FRRS1: variants seen among roughly 807,000 people sequenced by gnomAD.
The protein encoded by FRRS1 is ferric chelate reductase 1.
A neutral mutation model predicts 70.7 loss-of-function variants in FRRS1; 51 were observed. That is an observed-to-expected ratio of 0.72 (90% CI 0.58 to 0.91). FRRS1 has a LOEUF of 0.91. FRRS1 is among the 40% of genes least tolerant of loss of function. The probability of loss-of-function intolerance (pLI) is 0.00; values close to 1 mark genes in which losing one functional copy is unlikely to be tolerated. For missense variants in FRRS1, 672 were observed against 726.0 expected (o/e 0.93, Z 0.86); for synonymous variants, 225 against 238.7 (o/e 0.94, Z 0.53).
chr1:99,729,724 T>C lies in FRRS1; in HGVS notation c.784A>G (p.Ile262Val), dbSNP rs1655252685. ...ATGTACACAGTCTGATCTTCATGAA[T>C]ACACAGATAAGCATCATCATCACCC... ...WMGDDDAYLC[I>V]HEDQTVYIQP... Residue 262 changes from isoleucine to valine, a missense_variant, in exon 8 of 17, where the codon ATT (isoleucine) becomes GTT (valine). By Grantham distance (29) the Ile-to-Val change is conservative. Coordinates refer to ENST00000646001, the MANE Select transcript of FRRS1 (RefSeq NM_001361041.2). 1.9e-6 allele frequency: 3 copies of C among 1,612,772 alleles called. 1 individual carries two copies. The South Asian group carries it at 3.3e-5, about 18-fold the overall frequency.
chr1:99,745,237 G>A lies in FRRS1; in HGVS notation c.333+2057C>T, dbSNP rs185034055. On this transcript the variant is annotated intron_variant, in intron 4 of 16. Coordinates refer to ENST00000646001, the MANE Select transcript of FRRS1 (RefSeq NM_001361041.2). Reference sequence around the variant, plus strand: ...ATAAAGCTGCTGGCTGCTAATCCCCGAGCCTTGAAGGGAGAAGATAAACAT... The same window carrying A: ...ATAAAGCTGCTGGCTGCTAATCCCCAAGCCTTGAAGGGAGAAGATAAACAT... Among the ~76,000 whole-genome samples, 4 of 152,248 alleles carry A rather than the reference G, an allele frequency of 2.6e-5. No individual in the cohort carries two copies. The East Asian group carries it at 5.8e-4, about 22-fold the overall frequency.
intron 5 of FRRS1, among the ~76,000 whole-genome samples, chr1:99,741,553 T>C (rs1655962333): frequency 6.6e-6 from 1 of 152,178 alleles, no homozygotes; most frequent in Admixed American, 6.5e-5. Context: ...CATTTCCCCT[T>C]GTATGTAGGA....
At chr1:99,747,785 G>A (rs969258455) in intron 3 of FRRS1, 6 of 161,506 alleles carry the variant, frequency 3.7e-5, no homozygotes, top group African/African-American at 4.8e-5. Context: ...CCAAACCCTC[G>A]TGACATGGAA....
intron 12 of FRRS1, 116 bp from the exon 13 acceptor site, chr1:99,712,631 C>A (rs1216528275): frequency 2.5e-5 from 14 of 562,688 alleles, no homozygotes; most frequent in Non-Finnish European, 4.1e-5. Flanking sequence ...TTTAAAGATT[C>A]AATAATGATG....
chr1:99,729,755 A>C lies in FRRS1; in HGVS notation c.760-7T>G. On this transcript the variant is annotated splice_polypyrimidine_tract_variant and splice_region_variant and intron_variant, in intron 7 of 16. Coordinates refer to ENST00000646001, the MANE Select transcript of FRRS1 (RefSeq NM_001361041.2). ...GATAAGCATCATCATCACCCTGAAA[A>C]ACAATTGCAAATGAGAAAAAAAGCT... 6.4e-7 allele frequency: 1 copy of C among 1,572,010 alleles called. No homozygotes were observed. Among genetic ancestry groups the C allele is most frequent in the East Asian group, 2.2e-5 (1 of 44,658 alleles).
At chr1:99,750,113 T>A (rs1416232) in intron 1 of FRRS1, among the ~76,000 whole-genome samples, 2 of 151,988 alleles carry the variant, frequency 1.3e-5, no homozygotes, top group Non-Finnish European at 2.9e-5. Context: ...ACCTGGAGGA[T>A]GGGAAATACC....
intron 1 of FRRS1, among the ~76,000 whole-genome samples, chr1:99,766,151 AGGGTAAG>A (rs941849305): frequency 6.6e-6 from 1 of 152,026 alleles, no homozygotes; most frequent in African/African-American, 2.4e-5. Flanking sequence ...AGGGAGTGGG[AGGGTAAG>A]GGGACTAAAA....
In FRRS1 at chr1:99,740,779, A is replaced by T; in HGVS notation, c.576+14T>A. On this transcript the variant is annotated intron_variant, in intron 6 of 16. Coordinates refer to ENST00000646001, the MANE Select transcript of FRRS1 (RefSeq NM_001361041.2). ...AAACCCCATCTCTACAGAGAAAATA[A>T]AATTGTTACTTACTGGTTTGGTTAA... is the stretch of plus-strand genomic sequence containing the variant. 1 of 1,586,584 alleles carries T rather than the reference A, an allele frequency of 6.3e-7. No homozygotes were observed. Among genetic ancestry groups the T allele is most frequent in the Non-Finnish European group, 8.7e-7 (1 of 1,155,056 alleles).
chr1:99,725,186 G>A (rs993542168), intron 9 of FRRS1, among the ~76,000 whole-genome samples: 4 of 152,166 alleles, frequency 2.6e-5, no homozygotes, highest in Non-Finnish European at 5.9e-5. Flanking sequence ...TGATCTGACA[G>A]GACAGTAATG....
chr1:99,749,245 C>T (rs1656453184), intron 1 of FRRS1, among the ~76,000 whole-genome samples: 1 of 152,092 alleles, frequency 6.6e-6, no homozygotes, highest in Admixed American at 6.5e-5. Flanking sequence ...AGGCTGGTCT[C>T]GAACTCCTGA....
chr1:99,759,957 A>C (rs1657036092), intron 1 of FRRS1, among the ~76,000 whole-genome samples: 1 of 152,256 alleles, frequency 6.6e-6, no homozygotes, highest in African/African-American at 2.4e-5. Flanking sequence ...GGTGAAAAGT[A>C]AACAGGTCCA....
chr1:99,745,307 A>G (rs1656195683), intron 4 of FRRS1, among the ~76,000 whole-genome samples: 2 of 152,208 alleles, frequency 1.3e-5, no homozygotes, highest in African/African-American at 4.8e-5. Context: ...GTCCTGGACA[A>G]TAAGAAATCT....
At position 99,705,744 on chromosome 1, in the gene FRRS1, C is replaced by G. The variant is rs762307766; in HGVS notation, c.*3284G>C. Among the ~76,000 whole-genome samples the G allele has an allele frequency of 1.3e-5, 2 of 152,128 alleles. No homozygotes were observed. Among genetic ancestry groups the G allele is most frequent in the African/African-American group, 4.8e-5 (2 of 41,410 alleles). Reference sequence around the variant, plus strand: ...GCCCTTAAGATTGATTTCTGCAGACCAGAGAATTTTTTTATTGCCTCAGCT... The same window carrying G: ...GCCCTTAAGATTGATTTCTGCAGACGAGAGAATTTTTTTATTGCCTCAGCT... On this transcript the variant is annotated 3_prime_UTR_variant, in exon 17 of 17. Coordinates refer to ENST00000646001, the MANE Select transcript of FRRS1 (RefSeq NM_001361041.2).
chr1:99,744,967 C>A (rs1656173832), intron 4 of FRRS1, among the ~76,000 whole-genome samples: 2 of 35,284 alleles, frequency 5.7e-5, no homozygotes, highest in Non-Finnish European at 9.7e-5. Flanking sequence ...GAGACTCCGT[C>A]TCAAAAAAAA....
Position 99,708,900 on chromosome 1 carries a change from A to G in FRRS1, c.*128T>C, listed in dbSNP as rs1654143626. On this transcript the variant is annotated 3_prime_UTR_variant, in exon 17 of 17. Coordinates refer to ENST00000646001, the MANE Select transcript of FRRS1 (RefSeq NM_001361041.2). The stretch of plus-strand genomic sequence containing the variant: ...AAAGGCTGGACTTCAGAATTCCTCT[A>G]CAGACATGACCCCAGTCTTCCAAGT... The G allele has an allele frequency of 5.0e-6, 8 of 1,609,566 alleles. No individual in the cohort carries two copies. Among genetic ancestry groups the G allele is most frequent in the Non-Finnish European group, 6.8e-6 (8 of 1,176,052 alleles).
Position 99,728,596 on chromosome 1 carries a change from C to CATAACA in FRRS1, c.897_902dup (p.Val300_Met301insIleVal). On this transcript the variant is annotated inframe_insertion, in exon 9 of 17. Coordinates refer to ENST00000646001, the MANE Select transcript of FRRS1 (RefSeq NM_001361041.2). ...TAATGTTTCTTCTGAAAGAACACTGCATAACACCGTCCGCCAACCTCCAAG... is the reference window on the plus strand; with the variant it reads ...TAATGTTTCTTCTGAAAGAACACTGCATAACAATAACACCGTCCGCCAACCTCCAAG... 1.2e-6 allele frequency: 2 copies of CATAACA among 1,613,964 alleles called. No individual in the cohort carries two copies.
At chr1:99,720,967 T>C (rs1210446914) in intron 9 of FRRS1, among the ~76,000 whole-genome samples, 1 of 150,900 alleles carries the variant, frequency 6.6e-6, no homozygotes, top group Non-Finnish European at 1.5e-5. Flanking sequence ...AAAATAAAGG[T>C]AGAACTTAAG....
At chr1:99,764,610 T>G (rs1486212706) in intron 1 of FRRS1, among the ~76,000 whole-genome samples, 1 of 152,216 alleles carries the variant, frequency 6.6e-6, no homozygotes, top group Non-Finnish European at 1.5e-5. Flanking sequence ...TATGATACAA[T>G]GAAGTGTATG....
intron 9 of FRRS1, among the ~76,000 whole-genome samples, chr1:99,722,381 C>T (rs1434193104): frequency 1.3e-5 from 2 of 152,160 alleles, no homozygotes; most frequent in Non-Finnish European, 2.9e-5. Context: ...GAAATCAAAA[C>T]TACGCATGTG....
Sources: gnomAD v4.1 joint callset for allele counts (sites outside exome capture counted in the v4.1 genomes callset) on GRCh38, gnomAD v4.1.1 for gene constraint, MANE v1.5 for transcripts, NCBI Gene and HGNC (gene_info 2026-07-23, HGNC 2026-07-21) for gene names.